The following GLYR1 variants were observed in gnomAD, a reference collection of about 807,000 sequenced individuals.
GLYR1 encodes the protein glyoxylate reductase 1 homolog.
GLYR1 carries 21 observed loss-of-function variants against 72.7 expected under a neutral mutation model. That is an observed-to-expected ratio of 0.29 (90% CI 0.20 to 0.42). The LOEUF (loss-of-function observed/expected upper bound fraction) is 0.42, where lower values mean the gene tolerates loss of function less well. Ranked by LOEUF, GLYR1 falls within the 10% of genes least tolerant of loss-of-function variation. The pLI is 1.00. For synonymous variants in GLYR1, 392 were observed against 270.2 expected (o/e 1.45, Z -4.42); for missense variants, 594 against 712.1 (o/e 0.83, Z 1.89).
In GLYR1 at chr16:4,829,176, G is replaced by T. The variant is rs1224011784; in HGVS notation, c.537+2803C>A. ...TCCCTCAGCCTGAGGTCATCTAACA[G>T]TGAGAAGGGCTGTCTCTCACCAGAG... On this transcript the variant is annotated intron_variant, in intron 5 of 15. Transcript: ENST00000321919. Among the ~76,000 whole-genome samples the T allele has an allele frequency of 5.3e-5, 8 of 152,188 alleles. 1 individual carries two copies. Among genetic ancestry groups the T allele is most frequent in the Admixed American group, 5.2e-4 (8 of 15,282 alleles).
At chr16:4,817,527 G>C in intron 10 of GLYR1, 71 bp downstream of exon 10, 1 of 890,602 alleles carries the variant, frequency 1.1e-6, no homozygotes. Context: ...TGAGACAACA[G>C]GGGGAGATGT....
At chr16:4,823,416 G>C (rs2084168199) in intron 6 of GLYR1, among the ~76,000 whole-genome samples, 1 of 152,140 alleles carries the variant, frequency 6.6e-6, no homozygotes, top group Admixed American at 6.5e-5. Context: ...ATTATGCCCA[G>C]CAACAGGTGT....
rs1233851665 is a variant in GLYR1, at chr16:4,805,077, T to G, written c.*159A>C. 2 of 657,334 alleles carry G rather than the reference T, an allele frequency of 3.0e-6. No homozygotes were observed. Among genetic ancestry groups the G allele is most frequent in the Non-Finnish European group, 5.5e-6 (2 of 362,964 alleles). The allele number at this position is 657,334 out of a possible 1,614,324, so 40.7% of individuals were successfully genotyped here. On this transcript the variant is annotated 3_prime_UTR_variant, in exon 16 of 16. Transcript: ENST00000321919. Reference sequence around the variant, plus strand: ...CTCCCCACCGGCCTCAGGGGAAGGGTGCTGCTGTGTGCTGTGCTGATGGCA... The same window carrying G: ...CTCCCCACCGGCCTCAGGGGAAGGGGGCTGCTGTGTGCTGTGCTGATGGCA...
At chr16:4,811,321 A>C (rs1416394074) in intron 14 of GLYR1, 27 bp from the exon 15 acceptor site, 1 of 1,612,292 alleles carries the variant, frequency 6.2e-7, no homozygotes, top group African/African-American at 1.3e-5. Context: ...AGTATCAGAC[A>C]AAAGCCAAGG....
chr16:4,819,596 C>G (rs1443625741), intron 9 of GLYR1, among the ~76,000 whole-genome samples: 2 of 152,180 alleles, frequency 1.3e-5, no homozygotes, highest in Admixed American at 6.5e-5. Context: ...CAAGGATGAG[C>G]TACTGCGCTT....
chr16:4,811,649 C>T lies in GLYR1; in HGVS notation c.1436G>A (p.Ser479Asn), dbSNP rs757745527. 1 of 1,614,072 alleles carries T rather than the reference C, an allele frequency of 6.2e-7. No individual in the cohort carries two copies. Among genetic ancestry groups the T allele is most frequent in the South Asian group, 1.1e-5 (1 of 91,068 alleles). Reference sequence around the variant, plus strand: ...TTGGCACTTCTGGTCCAGGAAGATGCTGGCCAACTGTCCCTGATTGAGGAT... The same window carrying T: ...TTGGCACTTCTGGTCCAGGAAGATGTTGGCCAACTGTCCCTGATTGAGGAT... ...LDILNQGQLA[S>N]IFLDQKCQNI... The change falls in exon 14 of 16, where the codon AGC (serine) becomes AAC (asparagine). Residue 479 changes from serine to asparagine, a missense_variant. By Grantham distance (46) the Ser-to-Asn change is conservative. Around this residue, in one of 5 missense-constraint regions of GLYR1, gnomAD observed 266 missense variants for 358.4 expected, o/e 0.74. Coordinates refer to ENST00000321919, the MANE Select transcript of GLYR1 (RefSeq NM_032569.4).
At chr16:4,817,169 G>C (rs2083695600) in intron 10 of GLYR1, among the ~76,000 whole-genome samples, 1 of 151,536 alleles carries the variant, frequency 6.6e-6, no homozygotes, top group Admixed American at 6.6e-5. Context: ...GCCCAGGCTG[G>C]AGTGCAGTGG....
rs1331784326 is a variant in GLYR1 at position 4,847,009 on chromosome 16, G to A, written c.38+219C>T. 3 of 559,934 alleles carry A rather than the reference G, an allele frequency of 5.4e-6. No individual in the cohort carries two copies. In the East Asian group the frequency reaches 9.9e-5, roughly 18 times the overall value. 34.7% of individuals were successfully genotyped at this position (559,934 alleles called of 1,614,324 possible). A position where few individuals can be genotyped will look rare whatever the true frequency, so the allele number is the denominator to read the frequency against. On this transcript the variant is annotated intron_variant, in intron 1 of 15. Coordinates refer to ENST00000321919, the MANE Select transcript of GLYR1 (RefSeq NM_032569.4). ...CAGACCCCACCCGGCCGGCCTCGGG[G>A]ATCAAAGCCGGTGCCCGACGTGGCC... is the stretch of plus-strand genomic sequence containing the variant.
rs760291178 is a variant in GLYR1 at position 4,832,181 on chromosome 16, T to C, written c.335A>G (p.Asn112Ser). The change falls in exon 5 of 16, where the codon AAT becomes AGT. Residue 112 changes from asparagine to serine, a missense_variant. Asn to Ser is a conservative substitution (Grantham distance 46, BLOSUM62 1). Coordinates refer to ENST00000321919, the MANE Select transcript of GLYR1 (RefSeq NM_032569.4). ...HNSSDDKNRRNSSEERSRPNS... is the reference protein window; with the variant it reads ...HNSSDDKNRRSSSEERSRPNS... The stretch of plus-strand genomic sequence containing the variant: ...TGGCCTACTTCTCTCCTCACTGGAA[T>C]TACGTCGATTCTTGTCATCAGAAGA... 1.2e-6 allele frequency: 2 copies of C among 1,614,174 alleles called. No individual in the cohort carries two copies. The highest frequency in any genetic ancestry group is 1.7e-6 in the Non-Finnish European group (2 of 1,180,020).
In GLYR1 at chr16:4,831,967, G is replaced by C; in HGVS notation, c.537+12C>G. 1 of 1,610,886 alleles carries C rather than the reference G, an allele frequency of 6.2e-7. No individual in the cohort carries two copies. The highest frequency in any genetic ancestry group is 8.5e-7 in the Non-Finnish European group (1 of 1,178,518). ...CATCACTAATCCCGGAAGCTGCAGA[G>C]AGAAAACAAACCTTCTCATCCTTTG... On this transcript the variant is annotated intron_variant, in intron 5 of 15. Coordinates refer to ENST00000321919, the MANE Select transcript of GLYR1 (RefSeq NM_032569.4).
At chr16:4,843,558 AG>A in intron 3 of GLYR1, 1 of 1,289,078 alleles carries the variant, frequency 7.8e-7, no homozygotes, top group Non-Finnish European at 1.0e-6. Context: ...CTGCCACCAC[AG>A]GCTGCTAAGC....
intron 9 of GLYR1, chr16:4,821,151 T>A (rs2083996279): frequency 1.7e-6 from 1 of 585,548 alleles, no homozygotes; most frequent in African/African-American, 1.9e-5. Context: ...GCTCTTGAGT[T>A]CTGGAGCCAA....
chr16:4,836,545 T>C (rs1230395085), intron 3 of GLYR1, among the ~76,000 whole-genome samples: 1 of 152,182 alleles, frequency 6.6e-6, no homozygotes, highest in Non-Finnish European at 1.5e-5. Context: ...AGTAAATAGC[T>C]GAAAACAGGC....
chr16:4,825,619 T>A (rs912668244), intron 5 of GLYR1, among the ~76,000 whole-genome samples: 2 of 152,084 alleles, frequency 1.3e-5, no homozygotes, highest in African/African-American at 4.8e-5. Context: ...TCTCATGTAA[T>A]TCTTGCCCCT....
chr16:4,832,598 G>C, intron 4 of GLYR1, 176 bp downstream of exon 4: 1 of 753,960 alleles, frequency 1.3e-6, no homozygotes, highest in Admixed American at 3.1e-5. Flanking sequence ...AGAAAGGTTA[G>C]CTGCATGGAG....
chr16:4,815,812 C>G (rs1360205677), intron 10 of GLYR1, among the ~76,000 whole-genome samples: 2 of 151,804 alleles, frequency 1.3e-5, no homozygotes, highest in African/African-American at 4.8e-5. Context: ...GAGACAGAGT[C>G]TCGCTGTCGC....
intron 5 of GLYR1, among the ~76,000 whole-genome samples, chr16:4,829,481 G>T (rs2084645863): frequency 6.6e-6 from 1 of 151,396 alleles, no homozygotes; most frequent in Non-Finnish European, 1.5e-5. Context: ...AGTACTTTTT[G>T]TTTCTTTTTT....
At chr16:4,807,311 C>G (rs909781602) in intron 15 of GLYR1, among the ~76,000 whole-genome samples, 2 of 151,932 alleles carry the variant, frequency 1.3e-5, no homozygotes, top group Non-Finnish European at 2.9e-5. Flanking sequence ...CTGGGCTTCA[C>G]TATATTGGCC....
In GLYR1 at chr16:4,805,379, G is replaced by A. The variant is rs979304510; in HGVS notation, c.1588-69C>T. The A allele has an allele frequency of 7.4e-5, 100 of 1,349,638 alleles. No individual in the cohort carries two copies. In the African/African-American group the frequency reaches 1.3e-3, roughly 18 times the overall value. The allele number at this position is 1,349,638 out of a possible 1,614,324, so 83.6% of individuals were successfully genotyped here. A position where few individuals can be genotyped will look rare whatever the true frequency, so the allele number is the denominator to read the frequency against. On this transcript the variant is annotated intron_variant, in intron 15 of 15. Coordinates refer to ENST00000321919, the MANE Select transcript of GLYR1 (RefSeq NM_032569.4). ...CTTCAAGACCTAGACCTGATTCCTG[G>A]AGGCAGTGGTGGATGTGGCCAGCAG...
Sources: allele counts gnomAD v4.1 joint callset (sites outside exome capture counted in the v4.1 genomes callset), GRCh38; gene constraint gnomAD v4.1.1; regional missense constraint gnomAD v4.1.1; transcripts MANE v1.5; gene names NCBI Gene and HGNC (gene_info 2026-07-23, HGNC 2026-07-21).